The following PLXDC2 variants were observed in gnomAD, a reference collection of about 807,000 sequenced individuals.
PLXDC2 encodes plexin domain containing 2.
PLXDC2 carries 40 observed loss-of-function variants against 68.9 expected under a neutral mutation model. The observed-to-expected ratio is 0.58, with a 90% CI of 0.45 to 0.76. PLXDC2 has a LOEUF of 0.76. Among genes scored for constraint, PLXDC2 ranks in the 30% least tolerant of loss-of-function variants. PLXDC2 has a pLI of 0.00. For missense variants in PLXDC2, 644 were observed against 661.9 expected, an observed-to-expected ratio of 0.97 and a Z score of 0.30; for synonymous variants, 243 against 234.2, an observed-to-expected ratio of 1.04 and a Z score of -0.34.
At chr10:20,164,626 G>A (rs1028980197) in intron 7 of PLXDC2, 59 bp downstream of exon 7, 1 of 1,325,620 alleles carries the variant, frequency 7.5e-7, no homozygotes, top group Non-Finnish European at 1.1e-6. Context: ...ATTTAAAGGA[G>A]ATTGGTCTAT....
rs1836181937 is a variant in PLXDC2 at position 20,287,991 on chromosome 10, G to GGGGGGGGGGGGGT, written c.*8177_*8178insGGGGGGGTGGGGG. 7.8e-6 allele frequency: 1 copy of GGGGGGGGGGGGGT among 128,258 alleles called. No homozygotes were observed. Among genetic ancestry groups the GGGGGGGGGGGGGT allele is most frequent in the African/African-American group, 2.9e-5 (1 of 34,978 alleles). 7.9% of individuals were successfully genotyped at this position (128,258 alleles called of 1,614,324 possible). A position where few individuals can be genotyped will look rare whatever the true frequency, so the allele number is the denominator to read the frequency against. ...GCACTTCTTGCGGCGGGGGAGGGGG[G>GGGGGGGGGGGGGT]GGGGGCGGTGGCTTTCCAGATTTTA... On this transcript the variant is annotated 3_prime_UTR_variant, in exon 14 of 14. Transcript: ENST00000377252.
At chr10:20,044,777 C>T (rs995091913) in intron 2 of PLXDC2, among the ~76,000 whole-genome samples, 1 of 152,110 alleles carries the variant, frequency 6.6e-6, no homozygotes, top group Non-Finnish European at 1.5e-5. Context: ...AGTAATTGCT[C>T]CTTCTTAGGT....
rs1252447303 is a variant in PLXDC2, at chr10:20,082,064, C to CAAAAAAAAAAAAA, written c.541+13837_541+13838insAAAAAAAAAAAAA. 4.4e-3 allele frequency among the ~76,000 whole-genome samples: 304 copies of CAAAAAAAAAAAAA among 69,312 alleles called. 20 individuals carry two copies. The highest frequency in any genetic ancestry group is 5.6e-3 in the Non-Finnish European group (210 of 37,770). The allele number at this position is 69,312 out of a possible 152,430, so 45.5% of individuals were successfully genotyped here. A position where few individuals can be genotyped will look rare whatever the true frequency, so the allele number is the denominator to read the frequency against. On this transcript the variant is annotated intron_variant, in intron 4 of 13. Coordinates refer to ENST00000377252, the MANE Select transcript of PLXDC2 (RefSeq NM_032812.9). Reference sequence around the variant, plus strand: ...CCATCTGAAAAAAAAAAAAAAAAATCAAAAAAAAAAAACAGGAGAAGTCTG... The same window carrying CAAAAAAAAAAAAA: ...CCATCTGAAAAAAAAAAAAAAAAATCAAAAAAAAAAAAAAAAAAAAAAAAACAGGAGAAGTCTG...
In PLXDC2 at chr10:20,040,078, C is replaced by A. The variant is rs149922449; in HGVS notation, c.325-6791C>A. Among the ~76,000 whole-genome samples, 1,207 of 152,214 alleles carry A rather than the reference C, an allele frequency of 7.9e-3. 8 individuals are homozygous for A. Among genetic ancestry groups the A allele is most frequent in the Non-Finnish European group, 0.013 (879 of 68,002 alleles). ...GTGGGAGGTCAGTCATGCCTCAGTG[C>A]GCCCCTTCCTCATTAACCTTTAACC... is the stretch of plus-strand genomic sequence containing the variant. On this transcript the variant is annotated intron_variant, in intron 2 of 13. Coordinates refer to ENST00000377252, the MANE Select transcript of PLXDC2 (RefSeq NM_032812.9).
Position 19,885,586 on chromosome 10 carries a change from C to T in PLXDC2, c.112+68395C>T, listed in dbSNP as rs1017062058. Among the ~76,000 whole-genome samples the T allele has an allele frequency of 3.2e-4, 48 of 152,010 alleles. 1 individual carries two copies. In the East Asian group the frequency reaches 6.7e-3, roughly 21 times the overall value. On this transcript the variant is annotated intron_variant, in intron 1 of 13. Coordinates refer to ENST00000377252, the MANE Select transcript of PLXDC2 (RefSeq NM_032812.9). ...TTTCTACATATGGCTAGCCAGTTTT[C>T]CCAGCACCGTTTATTAAATAGGGAA... is the stretch of plus-strand genomic sequence containing the variant.
At position 19,946,491 on chromosome 10, in the gene PLXDC2, T is replaced by C. The variant is rs1288357286; in HGVS notation, c.113-55284T>C. On this transcript the variant is annotated intron_variant, in intron 1 of 13. Coordinates refer to ENST00000377252, the MANE Select transcript of PLXDC2 (RefSeq NM_032812.9). ...TTACATGGCTAAGGGGAAGGAAGTT[T>C]GCAGAAGGAATTAAATTTTCTTATC... Among the ~76,000 whole-genome samples, 17 of 151,698 alleles carry C rather than the reference T, an allele frequency of 1.1e-4. No homozygotes were observed. In the Admixed American group the frequency reaches 1.1e-3, roughly 10 times the overall value.
chr10:19,875,556 ATAAG>A (rs1470534971), intron 1 of PLXDC2, among the ~76,000 whole-genome samples: 11 of 152,352 alleles, frequency 7.2e-5, no homozygotes, highest in African/African-American at 2.4e-4. Context: ...AAAATAAAAG[ATAAG>A]TAAGATGGAA....
chr10:19,836,362 C>A (rs139365745), intron 1 of PLXDC2, among the ~76,000 whole-genome samples: 1 of 152,106 alleles, frequency 6.6e-6, no homozygotes, highest in Non-Finnish European at 1.5e-5. Flanking sequence ...ATACAGGAAA[C>A]CATGTTAGGA....
chr10:20,193,823 A>C (rs1011233229), intron 9 of PLXDC2, among the ~76,000 whole-genome samples: 1 of 152,102 alleles, frequency 6.6e-6, no homozygotes, highest in Non-Finnish European at 1.5e-5. Context: ...GACATAGAAC[A>C]TTGGTACACA....
intron 4 of PLXDC2, among the ~76,000 whole-genome samples, chr10:20,125,646 C>T (rs1365178498): frequency 6.6e-6 from 1 of 152,114 alleles, no homozygotes; most frequent in African/African-American, 2.4e-5. Context: ...TAGAGAGAGC[C>T]TCTATAGAGC....
At chr10:19,849,464 G>A (rs542516731) in intron 1 of PLXDC2, among the ~76,000 whole-genome samples, 379 of 152,220 alleles carry the variant, frequency 2.5e-3, no homozygotes, top group South Asian at 4.4e-3. Flanking sequence ...TAATCCCCAC[G>A]TGTCTTGGGA....
At chr10:19,891,150 T>G (rs1236096498) in intron 1 of PLXDC2, among the ~76,000 whole-genome samples, 1 of 152,176 alleles carries the variant, frequency 6.6e-6, no homozygotes, top group African/African-American at 2.4e-5. Flanking sequence ...AAGTACCCAG[T>G]TGAGGAGTTA....
chr10:20,078,725 AT>A (rs1836494818), intron 4 of PLXDC2, among the ~76,000 whole-genome samples: 1 of 59,888 alleles, frequency 1.7e-5, no homozygotes. Context: ...TCTTGTAATA[AT>A]AATTATAAGG....
chr10:19,969,145 T>G (rs1834309762), intron 1 of PLXDC2, among the ~76,000 whole-genome samples: 1 of 152,254 alleles, frequency 6.6e-6, no homozygotes, highest in Non-Finnish European at 1.5e-5. Context: ...AGACATTTTA[T>G]TTCGGCGACA....
rs1588559341 is a variant in PLXDC2, at chr10:20,280,156, A to G, written c.*337A>G. The stretch of plus-strand genomic sequence containing the variant: ...AGGGTTGCAAAGGGATCAGAAAAAA[A>G]AAATCATAATAAAGCTTTAGTTCAT... On this transcript the variant is annotated 3_prime_UTR_variant, in exon 14 of 14. Transcript: ENST00000377252. 1 of 198,652 alleles carries G rather than the reference A, an allele frequency of 5.0e-6. No individual in the cohort carries two copies. The highest frequency in any genetic ancestry group is 1.2e-4 in the East Asian group (1 of 8,338). The allele number at this position is 198,652 out of a possible 1,614,324, so 12.3% of individuals were successfully genotyped here.
chr10:20,263,874 A>C (rs887332812), intron 13 of PLXDC2, among the ~76,000 whole-genome samples: 2 of 152,166 alleles, frequency 1.3e-5, no homozygotes, highest in Non-Finnish European at 2.9e-5. Flanking sequence ...TGTTTGTGGG[A>C]GTATAAGTTA....
chr10:20,130,065 A>G (rs558186298), intron 4 of PLXDC2, among the ~76,000 whole-genome samples: 19 of 151,928 alleles, frequency 1.3e-4, no homozygotes, highest in African/African-American at 3.9e-4. Flanking sequence ...TGGGATTTTG[A>G]TAAGAATTGC....
At chr10:20,021,544 T>C (rs1425844082) in intron 2 of PLXDC2, among the ~76,000 whole-genome samples, 2 of 152,060 alleles carry the variant, frequency 1.3e-5, no homozygotes, top group Non-Finnish European at 2.9e-5. Context: ...TATTCACATA[T>C]TAATCCTCAT....
chr10:19,903,131 G>C (rs1278428828), intron 1 of PLXDC2, among the ~76,000 whole-genome samples: 2 of 151,980 alleles, frequency 1.3e-5, no homozygotes, highest in African/African-American at 4.8e-5. Flanking sequence ...TCGTCTGTAG[G>C]TTCTTTTTTT....
Sources: gnomAD v4.1 joint callset for allele counts (sites outside exome capture counted in the v4.1 genomes callset) on GRCh38, gnomAD v4.1.1 for gene constraint, MANE v1.5 for transcripts, NCBI Gene and HGNC (gene_info 2026-07-23, HGNC 2026-07-21) for gene names.